The following PDE9A variants were observed in gnomAD, a reference collection of about 807,000 sequenced individuals.
PDE9A encodes the protein high affinity cGMP-specific 3',5'-cyclic phosphodiesterase 9A.
Under a neutral mutation model 87.4 loss-of-function variants are expected in PDE9A, and 60 were observed. The observed-to-expected ratio is 0.69, with a 90% CI of 0.56 to 0.85. PDE9A has a LOEUF of 0.85. Among genes scored for constraint, PDE9A ranks in the 40% least tolerant of loss-of-function variants. PDE9A has a pLI of 0.00. For synonymous variants in PDE9A, 272 were observed against 279.4 expected (o/e 0.97, Z 0.27); for missense variants, 665 against 779.0 (o/e 0.85, Z 1.74).
Position 42,694,437 on chromosome 21 carries a change from T to C in PDE9A, c.219-4531T>C, listed in dbSNP as rs1046733144. Among the ~76,000 whole-genome samples the C allele has an allele frequency of 6.6e-6, 1 of 152,154 alleles. No homozygotes were observed. The highest frequency in any genetic ancestry group is 2.4e-5 in the African/African-American group (1 of 41,422). Reference sequence around the variant, plus strand: ...TGGATTCTTCCCAGATTCACAGCCATAGGGTGGGCGTTTCATGAAATCTCC... The same window carrying C: ...TGGATTCTTCCCAGATTCACAGCCACAGGGTGGGCGTTTCATGAAATCTCC... On this transcript the variant is annotated intron_variant, in intron 3 of 19. Transcript: ENST00000291539. This position sits in a 1 kb window ranked among gnomAD's most constrained non-coding sequence, Gnocchi z 5.3.
intron 4 of PDE9A, among the ~76,000 whole-genome samples, chr21:42,716,633 A>G (rs1015156942): frequency 1.3e-5 from 2 of 151,236 alleles, no homozygotes; most frequent in Non-Finnish European, 3.0e-5. Flanking sequence ...AAAAATAAGG[A>G]CACTGCAGCT....
At chr21:42,720,988 A>G (rs1286410148) in intron 4 of PDE9A, among the ~76,000 whole-genome samples, 1 of 152,100 alleles carries the variant, frequency 6.6e-6, no homozygotes, top group African/African-American at 2.4e-5. Flanking sequence ...CTGGGTAACA[A>G]GAGCGAAACT....
intron 4 of PDE9A, among the ~76,000 whole-genome samples, chr21:42,710,502 G>A (rs1329288273): frequency 1.3e-5 from 2 of 152,028 alleles, no homozygotes; most frequent in Non-Finnish European, 2.9e-5. Context: ...GCATCTGAGT[G>A]ATCCAGCTGT....
chr21:42,675,115 G>C lies in PDE9A; in HGVS notation c.70-11077G>C, dbSNP rs572953471. Among the ~76,000 whole-genome samples, 1 of 152,222 alleles carries C rather than the reference G, an allele frequency of 6.6e-6. No individual in the cohort carries two copies. Among genetic ancestry groups the C allele is most frequent in the Non-Finnish European group, 1.5e-5 (1 of 68,034 alleles). ...TGTGCGTTTAGGAGTGTGTAAGTGC[G>C]TGTAAGTGTGTGTCTGGCTTTCTTT... On this transcript the variant is annotated intron_variant, in intron 1 of 19. Transcript: ENST00000291539. This position sits in a 1 kb window ranked among gnomAD's most constrained non-coding sequence, Gnocchi z 4.3.
chr21:42,683,360 C>T (rs765693145), intron 1 of PDE9A, among the ~76,000 whole-genome samples: 1 of 152,190 alleles, frequency 6.6e-6, no homozygotes, highest in African/African-American at 2.4e-5. Context: ...CCATGGGGCT[C>T]GAAGCTTCTG....
rs75700470 is a variant in PDE9A at position 42,761,285 on chromosome 21, T to C, written c.1085+378T>C. 9.7e-4 allele frequency among the ~76,000 whole-genome samples: 147 copies of C among 152,302 alleles called. 2 individuals are homozygous for C. The East Asian group carries it at 0.027, about 28-fold the overall frequency. On this transcript the variant is annotated intron_variant, in intron 13 of 19. Transcript: ENST00000291539. ...CCCCTCTCAGGAGCTCGCCTCTCCC[T>C]GGGCAGGCTCCCAGCTGGCTTCCGC...
intron 1 of PDE9A, among the ~76,000 whole-genome samples, chr21:42,678,515 A>G (rs2839569): frequency 0.3 from 46,365 of 152,130 alleles, 8,265 homozygotes; most frequent in African/African-American, 0.5. Context: ...CTGGGTAACC[A>G]TCTTCCCATG....
At position 42,762,953 on chromosome 21, in the gene PDE9A, A is replaced by G. The variant is rs533478832; in HGVS notation, c.1242+714A>G. 1.5e-4 allele frequency among the ~76,000 whole-genome samples: 23 copies of G among 152,280 alleles called. 1 individual carries two copies. The highest frequency in any genetic ancestry group is 5.5e-4 in the African/African-American group (23 of 41,558). On this transcript the variant is annotated intron_variant, in intron 14 of 19. Coordinates refer to ENST00000291539, the MANE Select transcript of PDE9A (RefSeq NM_002606.3). ...GGTGATCCACCTGCCTCGACCTCCC[A>G]AAGTGCTGGGATTACAGGTGTGAGC...
chr21:42,775,182 C>T, intron 19 of PDE9A, 98 bp from the exon 20 acceptor site: 2 of 1,121,854 alleles, frequency 1.8e-6, no homozygotes, highest in Non-Finnish European at 2.7e-6. Flanking sequence ...CCTCGTGATC[C>T]ACCCACCTTG....
rs111213068 is a variant in PDE9A, at chr21:42,662,781, A to G, written c.69+8898A>G. 7.3e-5 allele frequency among the ~76,000 whole-genome samples: 9 copies of G among 123,952 alleles called. 2 individuals carry two copies. The highest frequency in any genetic ancestry group is 2.8e-4 in the African/African-American group (7 of 25,054). The allele number at this position is 123,952 out of a possible 152,430, so 81.3% of individuals were successfully genotyped here. A position where few individuals can be genotyped will look rare whatever the true frequency, so the allele number is the denominator to read the frequency against. ...CACCACACACAAGGACACACACCAC[A>G]CACACACACCAAGCACACACACACC... On this transcript the variant is annotated intron_variant, in intron 1 of 19. Transcript: ENST00000291539.
chr21:42,681,732 C>T (rs1321263797), intron 1 of PDE9A, among the ~76,000 whole-genome samples: 4 of 152,222 alleles, frequency 2.6e-5, no homozygotes, highest in African/African-American at 9.6e-5. Flanking sequence ...CGTGCATTCT[C>T]GTAAGCTCCA....
intron 8 of PDE9A, among the ~76,000 whole-genome samples, chr21:42,748,050 G>A (rs534102833): frequency 2.0e-5 from 3 of 152,296 alleles, no homozygotes; most frequent in Admixed American, 1.3e-4. Context: ...CCCAGCTCTG[G>A]TATCTGCAAG....
chr21:42,769,066 T>G lies in PDE9A; in HGVS notation c.1501T>G (p.Phe501Val), dbSNP rs2056662627. 1.9e-6 allele frequency: 3 copies of G among 1,613,616 alleles called. No individual in the cohort carries two copies. The East Asian group carries it at 6.7e-5, about 36-fold the overall frequency. Residue 501 changes from phenylalanine (F) to valine (V), a missense_variant, in exon 17 of 20, where the codon TTC becomes GTC. Physicochemically the swap from Phe to Val is conservative, Grantham distance 50. Coordinates refer to ENST00000291539, the MANE Select transcript of PDE9A (RefSeq NM_002606.3). ...EKSEGLPVAP[F>V]MDRDKVTKAT... The stretch of plus-strand genomic sequence containing the variant: ...GTCAGAAGGCCTTCCTGTGGCACCG[T>G]TCATGGACCGAGACAAAGTGACCAA...
chr21:42,764,217 A>G (rs2056128915), intron 14 of PDE9A, among the ~76,000 whole-genome samples: 1 of 152,230 alleles, frequency 6.6e-6, no homozygotes, highest in Admixed American at 6.5e-5. Flanking sequence ...TGATGACATC[A>G]TTGCACAAAC....
chr21:42,668,691 G>A (rs1391299210), intron 1 of PDE9A, among the ~76,000 whole-genome samples: 2 of 152,240 alleles, frequency 1.3e-5, no homozygotes, highest in African/African-American at 4.8e-5. Context: ...GAGCACAGCA[G>A]TCATGACAAA....
Position 42,711,922 on chromosome 21 carries a change from A to G in PDE9A, c.262+12911A>G, listed in dbSNP as rs377434463. Among the ~76,000 whole-genome samples the G allele has an allele frequency of 1.4e-4, 22 of 152,252 alleles. No individual in the cohort carries two copies. In the South Asian group the frequency reaches 1.9e-3, roughly 13 times the overall value. ...TTCTGCTTCATTGATCTATTTGTCT[A>G]TCCTCACACCAACACCACACTGGCT... On this transcript the variant is annotated intron_variant, in intron 4 of 19. Coordinates refer to ENST00000291539, the MANE Select transcript of PDE9A (RefSeq NM_002606.3).
chr21:42,758,328 G>A (rs541574864), intron 10 of PDE9A: 1 of 152,244 alleles, frequency 6.6e-6, no homozygotes, highest in Non-Finnish European at 1.5e-5. Flanking sequence ...ACTTGAACAG[G>A]GATATTGATA....
chr21:42,758,629 T>C (rs1602506897), intron 10 of PDE9A: 2 of 223,818 alleles, frequency 8.9e-6, no homozygotes, highest in East Asian at 2.4e-4. Flanking sequence ...TTTTCATCTG[T>C]AGAAATCAAT....
rs1175517023 is a variant in PDE9A at position 42,760,585 on chromosome 21, G to A, written c.1002+153G>A. 6.6e-6 allele frequency among the ~76,000 whole-genome samples: 1 copy of A among 151,754 alleles called. No individual in the cohort carries two copies. Among genetic ancestry groups the A allele is most frequent in the African/African-American group, 2.4e-5 (1 of 41,290 alleles). On this transcript the variant is annotated intron_variant, in intron 12 of 19. Transcript: ENST00000291539. This position sits in a 1 kb window ranked among gnomAD's most constrained non-coding sequence, Gnocchi z 5.2. ...TCCTAGGGACGCACCCCTGCCCACC[G>A]TTGTCAGTCACCCCATGGGCGAGGC...
Sources: gnomAD v4.1 joint callset for allele counts (sites outside exome capture counted in the v4.1 genomes callset) on GRCh38, gnomAD v4.1.1 for gene constraint, Gnocchi (gnomAD v3.1) non-coding constraint, MANE v1.5 for transcripts, NCBI Gene and HGNC (gene_info 2026-07-23, HGNC 2026-07-21) for gene names.